The following ANO2 variants were observed in gnomAD, a reference collection of about 807,000 sequenced individuals.
The protein encoded by ANO2 is anoctamin 2.
In ANO2, 101 loss-of-function variants were observed where a neutral mutation model predicts 124.2. The ratio of observed to expected loss-of-function variants is 0.81; its 90% CI spans 0.69 to 0.96. The LOEUF (loss-of-function observed/expected upper bound fraction) is 0.96. ANO2 is among the 40% of genes least tolerant of loss of function. The pLI, the probability that ANO2 is intolerant of heterozygous loss-of-function variation, is 0.00. For missense variants in ANO2, 1,293 were observed against 1,274.5 expected, an observed-to-expected ratio of 1.01 and a Z score of -0.22; for synonymous variants, 486 against 482.5, an observed-to-expected ratio of 1.01 and a Z score of -0.09.
intron 3 of ANO2, among the ~76,000 whole-genome samples, chr12:5,895,308 TA>T (rs1939704047): frequency 6.6e-6 from 1 of 152,192 alleles, no homozygotes; most frequent in Admixed American, 6.5e-5. Flanking sequence ...TATTGGTGTA[TA>T]GAAATGCTTG....
intron 20 of ANO2, among the ~76,000 whole-genome samples, chr12:5,580,809 C>G (rs975670415): frequency 3.8e-4 from 58 of 152,312 alleles, no homozygotes; most frequent in African/African-American, 1.3e-3. Context: ...TGATTCAACC[C>G]TGTCCACTGC....
intron 20 of ANO2, among the ~76,000 whole-genome samples, chr12:5,579,740 C>T (rs1256539432): frequency 6.6e-6 from 1 of 152,208 alleles, no homozygotes; most frequent in Non-Finnish European, 1.5e-5. Flanking sequence ...CAATCTGCCT[C>T]CCTAGCTTCA....
At chr12:5,599,128 G>T (rs553111229) in intron 20 of ANO2, among the ~76,000 whole-genome samples, 1 of 152,258 alleles carries the variant, frequency 6.6e-6, no homozygotes, top group African/African-American at 2.4e-5. Flanking sequence ...TTAAATTTCA[G>T]ATTGTACTAT....
At chr12:5,891,148 A>C (rs1451132706) in intron 3 of ANO2, among the ~76,000 whole-genome samples, 2 of 152,220 alleles carry the variant, frequency 1.3e-5, no homozygotes, top group African/African-American at 4.8e-5. Flanking sequence ...AGACTCAAGC[A>C]GTCCAAAACC....
At position 5,832,465 on chromosome 12, in the gene ANO2, C is replaced by T; in HGVS notation, c.772G>A (p.Glu258Lys). The T allele has an allele frequency of 6.2e-7, 1 of 1,613,988 alleles. No individual in the cohort carries two copies. The highest frequency in any genetic ancestry group is 8.5e-7 in the Non-Finnish European group (1 of 1,179,880). ...TTCAATACTCACAGGTACATCTTCT[C>T]CCTGGAGAATGGGTAGGAGAGGTTT... ...MKNLSYPFSREKMYLYNIQEK... is the reference protein window; with the variant it reads ...MKNLSYPFSRKKMYLYNIQEK... The change falls in exon 5 of 25, where the codon GAG becomes AAG. Residue 258 changes from glutamate to lysine, a missense_variant. Transcript: ENST00000682330.
At chr12:5,692,203 G>A (rs1203467308) in intron 14 of ANO2, among the ~76,000 whole-genome samples, 1 of 152,154 alleles carries the variant, frequency 6.6e-6, no homozygotes, top group Non-Finnish European at 1.5e-5. Flanking sequence ...CAGAGTGAAA[G>A]ATGTTCAGAG....
chr12:5,788,711 A>C (rs1349066434), intron 10 of ANO2, among the ~76,000 whole-genome samples: 1 of 152,134 alleles, frequency 6.6e-6, no homozygotes, highest in Non-Finnish European at 1.5e-5. Flanking sequence ...GGCACCCGCC[A>C]CCACACCCAG....
At chr12:5,719,007 G>GA (rs1950122489) in intron 14 of ANO2, among the ~76,000 whole-genome samples, 1 of 152,150 alleles carries the variant, frequency 6.6e-6, no homozygotes, top group African/African-American at 2.4e-5. Context: ...TAGCTTGTCA[G>GA]CCCTTCTGAC....
intron 4 of ANO2, among the ~76,000 whole-genome samples, chr12:5,847,977 C>T (rs1354355802): frequency 2.6e-5 from 4 of 152,196 alleles, no homozygotes; most frequent in African/African-American, 7.2e-5. Flanking sequence ...CATTTCTGCT[C>T]GAACCGTTAT....
rs751816155 is a variant in ANO2 at position 5,854,024 on chromosome 12, A to G, written c.633+19T>C. ...CCAGCCCTCAGGAGGCCCAGAACCC[A>G]GGAGAAACATGCTCATACTTTCTTG... On this transcript the variant is annotated intron_variant, in intron 4 of 24. Coordinates refer to ENST00000682330, the MANE Select transcript of ANO2 (RefSeq NM_001364791.2). 3 of 1,607,610 alleles carry G rather than the reference A, an allele frequency of 1.9e-6. No individual in the cohort carries two copies. Among genetic ancestry groups the G allele is most frequent in the Non-Finnish European group, 2.6e-6 (3 of 1,175,188 alleles).
At chr12:5,760,417 A>C (rs1951703626) in intron 10 of ANO2, among the ~76,000 whole-genome samples, 1 of 152,232 alleles carries the variant, frequency 6.6e-6, no homozygotes, top group Admixed American at 6.5e-5. Context: ...CTAAAGAGTA[A>C]GAACAGTGAA....
intron 1 of ANO2, among the ~76,000 whole-genome samples, chr12:5,923,172 ACGCACACACACATACACACACACG>A (rs1356201547): frequency 0.011 from 445 of 40,762 alleles, 32 homozygotes; most frequent in Non-Finnish European, 0.015. Flanking sequence ...ATACACACAC[ACGCACACACACATACACACACACG>A]CACGCACACA....
At chr12:5,708,188 C>A (rs962081406) in intron 14 of ANO2, among the ~76,000 whole-genome samples, 1 of 151,896 alleles carries the variant, frequency 6.6e-6, no homozygotes, top group South Asian at 2.1e-4. Context: ...AATCTTCAGT[C>A]GTATCTACAC....
intron 7 of ANO2, among the ~76,000 whole-genome samples, chr12:5,808,316 C>A (rs1429093323): frequency 1.3e-5 from 2 of 152,252 alleles, no homozygotes; most frequent in Non-Finnish European, 2.9e-5. Context: ...ATTATACTCA[C>A]AACAGAGAAC....
rs145710554 is a variant in ANO2, at chr12:5,825,096, A to C, written c.892+2673T>G. ...TATCAACTACCATCCGTGGACTCAT[A>C]GAATGTCTTATCCACTATCATGGTA... is the stretch of plus-strand genomic sequence containing the variant. On this transcript the variant is annotated intron_variant, in intron 7 of 24. Transcript: ENST00000682330. 4.1e-3 allele frequency among the ~76,000 whole-genome samples: 632 copies of C among 152,312 alleles called. 3 individuals are homozygous for C. Among genetic ancestry groups the C allele is most frequent in the Middle Eastern group, 6.8e-3 (2 of 294 alleles).
At chr12:5,590,324 G>C (rs1264793979) in intron 20 of ANO2, among the ~76,000 whole-genome samples, 1 of 152,176 alleles carries the variant, frequency 6.6e-6, no homozygotes, top group African/African-American at 2.4e-5. Flanking sequence ...GGACACCCCA[G>C]CTCTAGAGGA....
chr12:5,585,100 C>A (rs919589387), intron 20 of ANO2, among the ~76,000 whole-genome samples: 1 of 151,890 alleles, frequency 6.6e-6, no homozygotes, highest in Non-Finnish European at 1.5e-5. Context: ...GCAGAGGTAA[C>A]TGACTGTCAC....
chr12:5,658,552 A>G lies in ANO2; in HGVS notation c.1546-10751T>C, dbSNP rs2136969331. On this transcript the variant is annotated intron_variant, in intron 14 of 24. Transcript: ENST00000682330. The surrounding 1 kb of genome is among the most constrained non-coding windows in gnomAD (Gnocchi z 4.3). ...ATATCATCGTATCAAAATCAATATA[A>G]TCACCAACATCAATATTATCATTGT... 6.6e-6 allele frequency among the ~76,000 whole-genome samples: 1 copy of G among 152,264 alleles called. No individual in the cohort carries two copies. Among genetic ancestry groups the G allele is most frequent in the South Asian group, 2.1e-4 (1 of 4,822 alleles).
intron 16 of ANO2, among the ~76,000 whole-genome samples, chr12:5,624,862 G>A (rs568914035): frequency 1.3e-5 from 2 of 152,318 alleles, no homozygotes; most frequent in African/African-American, 4.8e-5. Flanking sequence ...GTCAGGAAAG[G>A]CCTCTGAGGA....
Sources: allele counts gnomAD v4.1 joint callset (sites outside exome capture counted in the v4.1 genomes callset), GRCh38; gene constraint gnomAD v4.1.1; non-coding constraint Gnocchi (gnomAD v3.1); transcripts MANE v1.5; gene names NCBI Gene and HGNC (gene_info 2026-07-23, HGNC 2026-07-21).